SETBP1: variants seen among roughly 807,000 people sequenced by gnomAD.
SETBP1 encodes SET-binding protein.
Under a neutral mutation model 101.0 loss-of-function variants are expected in SETBP1, and 9 were observed. The observed-to-expected ratio is 0.09, with a 90% CI of 0.05 to 0.16. The LOEUF (loss-of-function observed/expected upper bound fraction) is 0.16. Among genes scored for constraint, SETBP1 ranks in the 10% least tolerant of loss-of-function variants. SETBP1 has a pLI of 1.00. For missense variants in SETBP1, 1,858 were observed against 2,033.8 expected (o/e 0.91, Z 1.66); for synonymous variants, 818 against 788.5 (o/e 1.04, Z -0.63).
intron 3 of SETBP1, among the ~76,000 whole-genome samples, chr18:44,945,985 T>C (rs1398590601): frequency 6.6e-6 from 1 of 152,164 alleles, no homozygotes. Context: ...AAAGGACATA[T>C]TGGAAATGAC....
chr18:44,896,813 A>G (rs1377887098), intron 3 of SETBP1, among the ~76,000 whole-genome samples: 1 of 152,098 alleles, frequency 6.6e-6, no homozygotes, highest in Non-Finnish European at 1.5e-5. Flanking sequence ...CTCCTATGAT[A>G]TCTTTCTTCT....
intron 3 of SETBP1, among the ~76,000 whole-genome samples, chr18:44,942,835 T>C (rs1228534673): frequency 6.6e-6 from 1 of 152,202 alleles, no homozygotes. Flanking sequence ...GTGTATGAGC[T>C]GTTACCACCT....
chr18:44,905,994 C>A (rs1398163701), intron 3 of SETBP1, among the ~76,000 whole-genome samples: 1 of 152,192 alleles, frequency 6.6e-6, no homozygotes, highest in Non-Finnish European at 1.5e-5. Flanking sequence ...TCATAGCCAA[C>A]GGTCAGAATC....
At chr18:44,817,698 G>T (rs142685883) in intron 2 of SETBP1, among the ~76,000 whole-genome samples, 49 of 139,432 alleles carry the variant, frequency 3.5e-4, no homozygotes, top group Non-Finnish European at 6.9e-4. Flanking sequence ...AAAAAAAAAA[G>T]AAAAAAAAAA....
intron 4 of SETBP1, among the ~76,000 whole-genome samples, chr18:44,995,604 C>T (rs1219810461): frequency 6.8e-6 from 1 of 148,060 alleles, no homozygotes; most frequent in Non-Finnish European, 1.5e-5. Flanking sequence ...TTTAACATTT[C>T]TGTATTCATC....
At chr18:45,014,187 C>G (rs2072896818) in intron 4 of SETBP1, among the ~76,000 whole-genome samples, 1 of 152,172 alleles carries the variant, frequency 6.6e-6, no homozygotes, top group Non-Finnish European at 1.5e-5. Flanking sequence ...ACAGCCTGTG[C>G]CCATCCATTA....
At chr18:44,799,167 C>T (rs2071544821) in intron 2 of SETBP1, among the ~76,000 whole-genome samples, 1 of 152,142 alleles carries the variant, frequency 6.6e-6, no homozygotes, top group African/African-American at 2.4e-5. Context: ...CTGTCATTAA[C>T]ATCTTATATT....
At chr18:44,777,605 A>G (rs1164178664) in intron 2 of SETBP1, among the ~76,000 whole-genome samples, 1 of 152,016 alleles carries the variant, frequency 6.6e-6, no homozygotes, top group Non-Finnish European at 1.5e-5. Flanking sequence ...AGACATCACC[A>G]CCCTTTCCCC....
At chr18:44,891,257 A>G (rs564192727) in intron 3 of SETBP1, among the ~76,000 whole-genome samples, 1 of 152,276 alleles carries the variant, frequency 6.6e-6, no homozygotes, top group South Asian at 2.1e-4. Context: ...AACACGTGAG[A>G]ATTCAAAATG....
Position 44,839,561 on chromosome 18 carries a change from G to T in SETBP1, c.487-29669G>T, listed in dbSNP as rs181628169. Among the ~76,000 whole-genome samples the T allele has an allele frequency of 7.2e-5, 11 of 152,350 alleles. No homozygotes were observed. The East Asian group carries it at 2.1e-3, about 29-fold the overall frequency. On this transcript the variant is annotated intron_variant, in intron 2 of 5. Coordinates refer to ENST00000649279, the MANE Select transcript of SETBP1 (RefSeq NM_015559.3). ...CTTCCATTCTCTTGGCAGTCCAGTT[G>T]TATACTGTGCAGAATGAGCTGCCAG...
At chr18:44,801,340 T>G (rs2144776723) in intron 2 of SETBP1, among the ~76,000 whole-genome samples, 1 of 152,294 alleles carries the variant, frequency 6.6e-6, no homozygotes, top group South Asian at 2.1e-4. Flanking sequence ...GAGATCCTTC[T>G]GGAAGTTCTA....
At chr18:44,697,856 C>A (rs1396922477) in intron 1 of SETBP1, among the ~76,000 whole-genome samples, 1 of 152,118 alleles carries the variant, frequency 6.6e-6, no homozygotes, top group Admixed American at 6.5e-5. Context: ...GGCTTGGGAT[C>A]TTTTTATTCA....
chr18:44,836,994 T>A (rs193283213), intron 2 of SETBP1, among the ~76,000 whole-genome samples: 7 of 152,304 alleles, frequency 4.6e-5, no homozygotes, highest in African/African-American at 1.7e-4. Context: ...TTTAAGAAAC[T>A]TTTCATGCTA....
chr18:44,754,293 A>G (rs1599078017), intron 2 of SETBP1, among the ~76,000 whole-genome samples: 1 of 152,320 alleles, frequency 6.6e-6, no homozygotes, highest in East Asian at 1.9e-4. Flanking sequence ...CAGATGTAGA[A>G]CACAGTGAGA....
chr18:44,687,883 G>A (rs2068863781), intron 1 of SETBP1, among the ~76,000 whole-genome samples: 1 of 152,040 alleles, frequency 6.6e-6, no homozygotes, highest in Non-Finnish European at 1.5e-5. Flanking sequence ...CATAGCACCT[G>A]GTCTGCCCAG....
intron 3 of SETBP1, among the ~76,000 whole-genome samples, chr18:44,910,439 C>G (rs1347397937): frequency 6.6e-6 from 1 of 152,130 alleles, no homozygotes. Context: ...TTGATGGAGT[C>G]AGGAAGATGA....
intron 2 of SETBP1, among the ~76,000 whole-genome samples, chr18:44,764,027 G>A (rs2070713523): frequency 6.6e-6 from 1 of 152,182 alleles, no homozygotes; most frequent in African/African-American, 2.4e-5. Context: ...TATCCGTTGT[G>A]TTTTCCACAT....
intron 4 of SETBP1, among the ~76,000 whole-genome samples, chr18:45,027,694 T>C (rs2073196356): frequency 6.6e-6 from 1 of 152,190 alleles, no homozygotes; most frequent in African/African-American, 2.4e-5. Flanking sequence ...TTACTATAAA[T>C]GGGCACCAAA....
At chr18:44,919,323 C>T (rs937857857) in intron 3 of SETBP1, among the ~76,000 whole-genome samples, 1 of 151,814 alleles carries the variant, frequency 6.6e-6, no homozygotes, top group Non-Finnish European at 1.5e-5. Context: ...CCTTAGCCAG[C>T]CTGTCTAAAT....
Sources: gnomAD v4.1 joint callset for allele counts (sites outside exome capture counted in the v4.1 genomes callset) on GRCh38, gnomAD v4.1.1 for gene constraint, MANE v1.5 for transcripts, NCBI Gene and HGNC (gene_info 2026-07-23, HGNC 2026-07-21) for gene names.